DCP2: variants seen among roughly 807,000 people sequenced by gnomAD.
DCP2 encodes decapping mRNA 2.
A neutral mutation model predicts 56.1 loss-of-function variants in DCP2; 30 were observed. That is an observed-to-expected ratio of 0.53 (90% CI 0.40 to 0.73). DCP2 has a LOEUF of 0.73. Among genes scored for constraint, DCP2 ranks in the 30% least tolerant of loss-of-function variants. DCP2 has a pLI of 0.00. For missense variants in DCP2, 533 were observed against 502.7 expected (o/e 1.06, Z -0.58); for synonymous variants, 197 against 163.3 (o/e 1.21, Z -1.57).
chr5:112,985,553 C>T (rs1219637429), intron 1 of DCP2, among the ~76,000 whole-genome samples: 1 of 152,152 alleles, frequency 6.6e-6, no homozygotes, highest in Non-Finnish European at 1.5e-5. Context: ...TTTTCTTGCT[C>T]ACTTTTGTTG....
At chr5:113,007,689 G>A (rs1038020725) in intron 8 of DCP2, among the ~76,000 whole-genome samples, 3 of 151,764 alleles carry the variant, frequency 2.0e-5, no homozygotes, top group Admixed American at 6.6e-5. Context: ...GAGCCACTGC[G>A]CCCGGCCGAG....
chr5:112,977,698 C>G (rs898365238), intron 1 of DCP2, among the ~76,000 whole-genome samples: 1 of 152,074 alleles, frequency 6.6e-6, no homozygotes, highest in African/African-American at 2.4e-5. Flanking sequence ...GCATTCTTCC[C>G]CCTTGTCAAC....
chr5:112,982,406 T>C (rs902242743), intron 1 of DCP2, among the ~76,000 whole-genome samples: 4 of 152,234 alleles, frequency 2.6e-5, no homozygotes, highest in African/African-American at 9.6e-5. Flanking sequence ...TGGTACTTAC[T>C]CTTTCTTGAA....
At chr5:113,011,159 G>C (rs1749666160) in intron 10 of DCP2, among the ~76,000 whole-genome samples, 1 of 152,126 alleles carries the variant, frequency 6.6e-6, no homozygotes, top group South Asian at 2.1e-4. Flanking sequence ...TATATAAGGG[G>C]TGCACTGACT....
chr5:112,985,596 T>C (rs1748240955), intron 1 of DCP2, among the ~76,000 whole-genome samples: 1 of 152,180 alleles, frequency 6.6e-6, no homozygotes, highest in Non-Finnish European at 1.5e-5. Flanking sequence ...TCTGTACTTG[T>C]GAACAGAGGG....
intron 1 of DCP2, among the ~76,000 whole-genome samples, chr5:112,980,380 C>A (rs1747946569): frequency 6.6e-6 from 1 of 152,328 alleles, no homozygotes. Flanking sequence ...TTGTGCTCAT[C>A]TTCAGCTAGC....
intron 9 of DCP2, among the ~76,000 whole-genome samples, chr5:113,009,344 G>A (rs981857953): frequency 7.2e-5 from 11 of 152,202 alleles, no homozygotes; most frequent in African/African-American, 2.7e-4. Flanking sequence ...GCAAGTATAT[G>A]AGCAGTTTTT....
chr5:112,983,338 T>C (rs1373375058), intron 1 of DCP2, among the ~76,000 whole-genome samples: 1 of 152,180 alleles, frequency 6.6e-6, no homozygotes, highest in Non-Finnish European at 1.5e-5. Context: ...AATTTCAGCA[T>C]TTCAACAGAG....
chr5:112,993,807 G>C (rs1748710893), intron 4 of DCP2, among the ~76,000 whole-genome samples: 1 of 151,758 alleles, frequency 6.6e-6, no homozygotes, highest in South Asian at 2.1e-4. Flanking sequence ...CTGTGTATAG[G>C]GCTTAAGTTT....
At chr5:113,004,413 A>C (rs778750514) in intron 8 of DCP2, among the ~76,000 whole-genome samples, 1 of 152,260 alleles carries the variant, frequency 6.6e-6, no homozygotes, top group African/African-American at 2.4e-5. Context: ...GTAACAGCGT[A>C]TTGTAAACTT....
At chr5:112,990,032 T>C (rs1297929448) in intron 2 of DCP2, among the ~76,000 whole-genome samples, 2 of 152,196 alleles carry the variant, frequency 1.3e-5, no homozygotes, top group Non-Finnish European at 2.9e-5. Flanking sequence ...AGGTTACTAA[T>C]AGTGCCTAAT....
chr5:112,989,616 A>G (rs1001641624), intron 2 of DCP2, among the ~76,000 whole-genome samples: 4 of 152,202 alleles, frequency 2.6e-5, no homozygotes, highest in African/African-American at 9.7e-5. Context: ...TTCTTTAAAA[A>G]ACAGATTAAA....
intron 2 of DCP2, among the ~76,000 whole-genome samples, chr5:112,987,740 C>T (rs1748367491): frequency 6.7e-6 from 1 of 148,762 alleles, no homozygotes; most frequent in South Asian, 2.1e-4. Context: ...TACCAAAGTG[C>T]TGGGATTACA....
intron 2 of DCP2, 141 bp from the exon 3 acceptor site, chr5:112,991,980 G>A (rs1748614609): frequency 6.4e-6 from 8 of 1,255,346 alleles, no homozygotes; most frequent in Non-Finnish European, 8.8e-6. Context: ...CATGGTGCCT[G>A]GCCAAAATGC....
intron 8 of DCP2, among the ~76,000 whole-genome samples, chr5:113,004,863 C>A (rs1008909410): frequency 1.3e-5 from 2 of 150,418 alleles, no homozygotes; most frequent in African/African-American, 4.9e-5. Context: ...CGTGGTGGCT[C>A]ATGGCTGTAA....
intron 4 of DCP2, among the ~76,000 whole-genome samples, chr5:112,998,617 T>TAGC (rs1311043213): frequency 1.3e-5 from 2 of 152,232 alleles, no homozygotes; most frequent in Non-Finnish European, 2.9e-5. Context: ...GAACTAAACA[T>TAGC]AGCTACGTGA....
At chr5:112,989,067 T>A (rs939492738) in intron 2 of DCP2, among the ~76,000 whole-genome samples, 1 of 152,218 alleles carries the variant, frequency 6.6e-6, no homozygotes, top group Non-Finnish European at 1.5e-5. Flanking sequence ...GTGCCAGGCC[T>A]TATGCAGTGA....
At chr5:113,000,570 A>G (rs1749130464) in intron 4 of DCP2, among the ~76,000 whole-genome samples, 1 of 152,190 alleles carries the variant, frequency 6.6e-6, no homozygotes, top group Non-Finnish European at 1.5e-5. Context: ...TTAATTTATT[A>G]ATCAAAAACA....
intron 8 of DCP2, among the ~76,000 whole-genome samples, 198 bp downstream of exon 8, chr5:113,004,275 A>C (rs913174150): frequency 2.2e-4 from 34 of 152,356 alleles, no homozygotes; most frequent in African/African-American, 8.2e-4. Context: ...CCAGTTAATA[A>C]TAAGAATTAG....
Sources: gnomAD v4.1 joint callset for allele counts (sites outside exome capture counted in the v4.1 genomes callset) on GRCh38, gnomAD v4.1.1 for gene constraint, MANE v1.5 for transcripts, NCBI Gene and HGNC (gene_info 2026-07-23, HGNC 2026-07-21) for gene names.